The following AGAP5 variants were observed in gnomAD, a reference collection of about 807,000 sequenced individuals.
AGAP5 encodes arf-GAP with GTPase, ANK repeat and PH domain-containing protein 5.
AGAP5 carries 8 observed loss-of-function variants against 27.7 expected under a neutral mutation model. The ratio of observed to expected loss-of-function variants is 0.29; its 90% CI spans 0.17 to 0.52. The LOEUF (loss-of-function observed/expected upper bound fraction) is 0.52, where lower values mean the gene tolerates loss of function less well. Among genes scored for constraint, AGAP5 ranks in the 20% least tolerant of loss-of-function variants. The pLI, the probability that AGAP5 is intolerant of heterozygous loss-of-function variation, is 0.97. For synonymous variants in AGAP5, 111 were observed against 338.0 expected, an observed-to-expected ratio of 0.33 and a Z score of 7.37; for missense variants, 285 against 880.8, an observed-to-expected ratio of 0.32 and a Z score of 8.56.
In AGAP5 at chr10:73,675,240, G is replaced by A. The variant is rs774272418; in HGVS notation, c.1420C>T (p.Arg474Cys). The A allele has an allele frequency of 5.5e-5, 89 of 1,604,950 alleles. 6 individuals carry two copies. Among genetic ancestry groups the A allele is most frequent in the African/African-American group, 3.8e-4 (28 of 73,808 alleles). The change falls in exon 8 of 8, where the codon CGT becomes TGT. Residue 474 changes from arginine (R) to cysteine (C), a missense_variant. Physicochemically the swap from Arg to Cys is radical, Grantham distance 180 (BLOSUM62 -3). Coordinates refer to ENST00000374094, the MANE Select transcript of AGAP5 (RefSeq NM_001144000.4). ...AMALQSIQNM[R>C]GNAHCVDYET... ...TAGTCCACACAGTGGGCGTTCCCAC[G>A]CATGTTTTGGATCGACTGCAGGGCC...
At chr10:73,686,911 T>C (rs2082069207) in intron 4 of AGAP5, among the ~76,000 whole-genome samples, 1 of 152,142 alleles carries the variant, frequency 6.6e-6, no homozygotes, top group African/African-American at 2.4e-5. Flanking sequence ...CTTTCAGATG[T>C]GGGAGCTAAG....
intron 6 of AGAP5, among the ~76,000 whole-genome samples, chr10:73,679,185 CAG>C (rs2082005149): frequency 6.6e-6 from 1 of 150,842 alleles, no homozygotes; most frequent in Non-Finnish European, 1.5e-5. Flanking sequence ...TTTGTTTAGA[CAG>C]AGTCTTGCTC....
chr10:73,680,685 T>G (rs1351135874), intron 5 of AGAP5, among the ~76,000 whole-genome samples: 7 of 146,098 alleles, frequency 4.8e-5, no homozygotes, highest in African/African-American at 1.8e-4. Flanking sequence ...CCTCCCGGGT[T>G]CAAGAGATTC....
Position 73,694,814 on chromosome 10 carries a change from T to C in AGAP5, c.293-10A>G, listed in dbSNP as rs1460768132. On this transcript the variant is annotated splice_polypyrimidine_tract_variant and intron_variant, in intron 2 of 7. Coordinates refer to ENST00000374094, the MANE Select transcript of AGAP5 (RefSeq NM_001144000.4). ...GGGTTAAACTCCAAAGCTATATGCA[T>C]AGAGGAAGAAAAGAAAAAAAGATGT... 12 of 1,597,484 alleles carry C rather than the reference T, an allele frequency of 7.5e-6. No homozygotes were observed. Among genetic ancestry groups the C allele is most frequent in the South Asian group, 4.4e-5 (4 of 90,802 alleles).
In AGAP5 at chr10:73,694,717, A is replaced by T. The variant is rs545688764; in HGVS notation, c.361+19T>A. On this transcript the variant is annotated intron_variant, in intron 3 of 7. Coordinates refer to ENST00000374094, the MANE Select transcript of AGAP5 (RefSeq NM_001144000.4). ...AGCTTTTATTCTTTCTCTTGGCGGA[A>T]AAAACAATGTTGTCTCACCATCTGT... 6.4e-4 allele frequency: 1,028 copies of T among 1,597,080 alleles called. 3 individuals carry two copies. In the South Asian group the frequency reaches 8.5e-3, roughly 13 times the overall value.
Position 73,674,374 on chromosome 10 carries a change from T to C in AGAP5, c.*225A>G. Reference sequence around the variant, plus strand: ...ACAGAAGCCTGTGTGACTTGGGCAATGTGGCCAGGAGGGCCTGAGACTAAC... The same window carrying C: ...ACAGAAGCCTGTGTGACTTGGGCAACGTGGCCAGGAGGGCCTGAGACTAAC... On this transcript the variant is annotated 3_prime_UTR_variant, in exon 8 of 8. Transcript: ENST00000374094. 1 of 619,444 alleles carries C rather than the reference T, an allele frequency of 1.6e-6. No individual in the cohort carries two copies. 38.4% of individuals were successfully genotyped at this position (619,444 alleles called of 1,614,324 possible).
At chr10:73,680,656 C>T (rs1188946073) in intron 5 of AGAP5, among the ~76,000 whole-genome samples, 25 of 144,476 alleles carry the variant, frequency 1.7e-4, no homozygotes, top group Non-Finnish European at 3.0e-4. Context: ...GGTGTGATCT[C>T]GGCTCACCAC....
In AGAP5 at chr10:73,674,426, A is replaced by C; in HGVS notation, c.*173T>G. The C allele has an allele frequency of 7.3e-7, 1 of 1,373,900 alleles. No individual in the cohort carries two copies. Among genetic ancestry groups the C allele is most frequent in the East Asian group, 2.5e-5 (1 of 40,198 alleles). The allele number at this position is 1,373,900 out of a possible 1,614,324, so 85.1% of individuals were successfully genotyped here. A position where few individuals can be genotyped will look rare whatever the true frequency, so the allele number is the denominator to read the frequency against. ...CATCCACCTTGGCAAAAGGACATAA[A>C]ATATGTCTTATGGTCAGAAAAATCA... On this transcript the variant is annotated 3_prime_UTR_variant, in exon 8 of 8. Transcript: ENST00000374094.
chr10:73,694,970 T>G (rs1373903704), intron 2 of AGAP5, among the ~76,000 whole-genome samples, 166 bp from the exon 3 acceptor site: 1 of 152,084 alleles, frequency 6.6e-6, no homozygotes, highest in Non-Finnish European at 1.5e-5. Flanking sequence ...AGATGGCACA[T>G]GCTTGTAGTC....
At chr10:73,691,273 GAAT>G (rs1204741330) in intron 4 of AGAP5, among the ~76,000 whole-genome samples, 6 of 152,128 alleles carry the variant, frequency 3.9e-5, no homozygotes, top group Non-Finnish European at 8.8e-5. Context: ...ACTTAGCAGT[GAAT>G]AATATTTGCA....
intron 4 of AGAP5, among the ~76,000 whole-genome samples, chr10:73,688,626 G>C (rs2082084156): frequency 6.6e-6 from 1 of 151,632 alleles, no homozygotes; most frequent in African/African-American, 2.4e-5. Context: ...GAAAAAAATA[G>C]AAGGGGAAAA....
intron 6 of AGAP5, among the ~76,000 whole-genome samples, chr10:73,677,407 C>T (rs2081989331): frequency 1.3e-5 from 1 of 77,124 alleles, no homozygotes; most frequent in Admixed American, 1.4e-4. Flanking sequence ...TTTTTTGAGA[C>T]CAAGTTTTAC....
chr10:73,674,735 A>G lies in AGAP5; in HGVS notation c.1925T>C (p.Leu642Pro), dbSNP rs2081961416. The G allele has an allele frequency of 1.9e-6, 3 of 1,611,966 alleles. No homozygotes were observed. In the African/African-American group the frequency reaches 4.0e-5, roughly 22 times the overall value. The change falls in exon 8 of 8, where the codon CTC becomes CCC. Residue 642 changes from leucine to proline, a missense_variant. Transcript: ENST00000374094. ...CRKGNVVLAQLLIWYGVDVMA... is the reference protein window; with the variant it reads ...CRKGNVVLAQPLIWYGVDVMA... The stretch of plus-strand genomic sequence containing the variant: ...GACGTCCACCCCGTACCAGATCAGG[A>G]GCTGTGCCAGGACCACATTCCCCTT...
intron 6 of AGAP5, among the ~76,000 whole-genome samples, chr10:73,677,633 G>T (rs1049219314): frequency 1.3e-5 from 2 of 151,940 alleles, no homozygotes; most frequent in Non-Finnish European, 2.9e-5. Context: ...CGATCCACTT[G>T]CCTCGGCCTC....
intron 1 of AGAP5, 64 bp downstream of exon 1, chr10:73,697,469 G>T: frequency 6.2e-7 from 1 of 1,603,668 alleles, no homozygotes. Flanking sequence ...GCCGTAAAGG[G>T]AACCTTGGGG....
rs766222955 is a variant in AGAP5, at chr10:73,697,539, G to C, written c.217C>G (p.Pro73Ala). Residue 73 changes from proline to alanine, a missense_variant, in exon 1 of 8, where the codon CCT becomes GCT. By Grantham distance (27) the Pro-to-Ala change is conservative. Coordinates refer to ENST00000374094, the MANE Select transcript of AGAP5 (RefSeq NM_001144000.4). ...GCACCTATCACCTCCTTACCTTCAG[G>C]CATCTCCTGGTCACGAATGTGGTGC... ...HMHHIRDQEMPEALEFSLSAN... is the reference protein window; with the variant it reads ...HMHHIRDQEMAEALEFSLSAN... The C allele has an allele frequency of 6.2e-6, 10 of 1,612,602 alleles. No individual in the cohort carries two copies. The highest frequency in any genetic ancestry group is 3.3e-5 in the Admixed American group (2 of 59,988).
chr10:73,687,525 AG>A (rs2082075275), intron 4 of AGAP5, among the ~76,000 whole-genome samples: 1 of 152,270 alleles, frequency 6.6e-6, no homozygotes, highest in African/African-American at 2.4e-5. Flanking sequence ...TTGGGCATTC[AG>A]GAAAACAGCT....
chr10:73,677,548 G>A (rs1319833135), intron 6 of AGAP5, among the ~76,000 whole-genome samples: 4 of 145,358 alleles, frequency 2.8e-5, no homozygotes, highest in Admixed American at 6.9e-5. Context: ...ACCACTCCTG[G>A]CTAAGTTTTG....
chr10:73,682,167 C>G (rs2082029276), intron 5 of AGAP5: 1 of 928,602 alleles, frequency 1.1e-6, no homozygotes, highest in Non-Finnish European at 1.3e-6. Flanking sequence ...CTGGACGGCC[C>G]CTGTGGAGCT....
Sources: gnomAD v4.1 joint callset for allele counts (sites outside exome capture counted in the v4.1 genomes callset) on GRCh38, gnomAD v4.1.1 for gene constraint, MANE v1.5 for transcripts, NCBI Gene and HGNC (gene_info 2026-07-23, HGNC 2026-07-21) for gene names.